C10orf90: variants seen among roughly 807,000 people sequenced by gnomAD.
C10orf90 encodes (E2-independent) E3 ubiquitin-conjugating enzyme FATS.
In C10orf90, 56 loss-of-function variants were observed where a neutral mutation model predicts 62.5. That is an observed-to-expected ratio of 0.90 (90% CI 0.72 to 1.12). The LOEUF (loss-of-function observed/expected upper bound fraction) is 1.12, where lower values mean the gene tolerates loss of function less well. C10orf90 is among the 50% of genes most tolerant of loss of function. C10orf90 has a pLI of 0.00. For synonymous variants in C10orf90, 386 were observed against 340.4 expected, an observed-to-expected ratio of 1.13 and a Z score of -1.47; for missense variants, 970 against 880.4, an observed-to-expected ratio of 1.10 and a Z score of -1.29.
intron 2 of C10orf90, among the ~76,000 whole-genome samples, chr10:126,534,449 A>G (rs535995872): frequency 6.6e-6 from 1 of 152,164 alleles, no homozygotes; most frequent in East Asian, 1.9e-4. Context: ...TTTCTCTCCA[A>G]TTCTCTTAGT....
rs1185005024 is a variant in C10orf90, at chr10:126,646,610, TG to T, written c.267del (p.Asp91IlefsTer55). 4.5e-6 allele frequency: 2 copies of T among 449,366 alleles called. No homozygotes were observed. The highest frequency in any genetic ancestry group is 4.5e-6 in the Non-Finnish European group (1 of 224,004). The allele number at this position is 449,366 out of a possible 1,614,324, so 27.8% of individuals were successfully genotyped here. On this transcript the variant is annotated frameshift_variant, in exon 2 of 10. Coordinates refer to ENST00000488181, the MANE Select transcript of C10orf90 (RefSeq NM_001350921.2). LOFTEE classifies it high-confidence loss of function. ...TTTCTTTCCCAGGCAGAATGATCTT[TG>T]GGGGATGAGAAGAGTCGACTGTGGA... is the stretch of plus-strand genomic sequence containing the variant. ...YEIHSRLFSS[P>X]KDHSAWERNE...
intron 2 of C10orf90, among the ~76,000 whole-genome samples, chr10:126,584,032 A>G (rs374889134): frequency 1.3e-4 from 20 of 152,124 alleles, no homozygotes; most frequent in African/African-American, 4.6e-4. Flanking sequence ...AGGTGAGAAA[A>G]TCACCTGAGC....
intron 2 of C10orf90, among the ~76,000 whole-genome samples, chr10:126,594,876 G>A (rs147048597): frequency 1.3e-5 from 2 of 152,286 alleles, no homozygotes; most frequent in Non-Finnish European, 2.9e-5. Context: ...TAAGAGGCAG[G>A]TGTGAGACTT....
chr10:126,511,409 A>C (rs1464848360), intron 3 of C10orf90, among the ~76,000 whole-genome samples: 1 of 151,692 alleles, frequency 6.6e-6, no homozygotes, highest in African/African-American at 2.4e-5. Context: ...TTAAGTGTAC[A>C]ACTTGGTGGT....
chr10:126,578,548 T>C (rs902221573), intron 2 of C10orf90, among the ~76,000 whole-genome samples: 5 of 152,174 alleles, frequency 3.3e-5, no homozygotes, highest in Admixed American at 3.3e-4. Flanking sequence ...TGAATATTAG[T>C]GAAATCACTC....
At chr10:126,447,775 G>A (rs1458562539) in intron 7 of C10orf90, among the ~76,000 whole-genome samples, 1 of 152,150 alleles carries the variant, frequency 6.6e-6, no homozygotes, top group Non-Finnish European at 1.5e-5. Context: ...TAGATCATAT[G>A]TTAGGCCAAA....
At chr10:126,667,501 T>C (rs1003060197) in intron 1 of C10orf90, among the ~76,000 whole-genome samples, 7 of 152,182 alleles carry the variant, frequency 4.6e-5, no homozygotes, top group Admixed American at 1.3e-4. Context: ...ATTAAAGGCA[T>C]TAGAAACTGT....
chr10:126,435,261 G>A (rs1024111563), intron 7 of C10orf90, among the ~76,000 whole-genome samples: 36 of 152,116 alleles, frequency 2.4e-4, no homozygotes, highest in Admixed American at 2.2e-3. Context: ...TCTGGTGAAG[G>A]AATATAAAAT....
chr10:126,621,227 T>C (rs1196753889), intron 2 of C10orf90, among the ~76,000 whole-genome samples: 3 of 152,234 alleles, frequency 2.0e-5, no homozygotes, highest in Admixed American at 2.0e-4. Context: ...TTTCAACATA[T>C]AAACTTAGAT....
rs888107053 is a variant in C10orf90, at chr10:126,635,034, G to A, written c.313+11531C>T. On this transcript the variant is annotated intron_variant, in intron 2 of 9. Transcript: ENST00000488181. ...GTCCAAGAACAAGGCCTGGCCAACC[G>A]CCTCAGGCTGCCTGTCTCAATGTTT... Among the ~76,000 whole-genome samples, 7 of 152,160 alleles carry A rather than the reference G, an allele frequency of 4.6e-5. No individual in the cohort carries two copies. The East Asian group carries it at 5.8e-4, about 13-fold the overall frequency.
At chr10:126,517,582 C>A (rs1028155817) in intron 2 of C10orf90, among the ~76,000 whole-genome samples, 2 of 152,106 alleles carry the variant, frequency 1.3e-5, no homozygotes, top group African/African-American at 4.8e-5. Flanking sequence ...GAATGACCCT[C>A]CACGTTGAAG....
chr10:126,610,810 T>C (rs990135117), intron 2 of C10orf90, among the ~76,000 whole-genome samples: 1 of 152,082 alleles, frequency 6.6e-6, no homozygotes, highest in Non-Finnish European at 1.5e-5. Flanking sequence ...AACAGACACA[T>C]AACAAGTTAG....
chr10:126,512,614 C>T (rs1289334814), intron 3 of C10orf90, among the ~76,000 whole-genome samples: 1 of 152,050 alleles, frequency 6.6e-6, no homozygotes, highest in Non-Finnish European at 1.5e-5. Flanking sequence ...AGCAGAATCG[C>T]CCCCATGCCC....
chr10:126,559,033 T>C (rs1469648518), intron 2 of C10orf90, among the ~76,000 whole-genome samples: 1 of 152,246 alleles, frequency 6.6e-6, no homozygotes, highest in Non-Finnish European at 1.5e-5. Context: ...GTCCATCTCT[T>C]TGTGCCAAAA....
intron 5 of C10orf90, among the ~76,000 whole-genome samples, chr10:126,462,928 C>A (rs1860079292): frequency 2.0e-5 from 3 of 152,204 alleles, no homozygotes; most frequent in Admixed American, 1.3e-4. Context: ...ACCAACAGCA[C>A]ACCACTTAGA....
At chr10:126,563,671 T>A (rs1407131109) in intron 2 of C10orf90, among the ~76,000 whole-genome samples, 1 of 152,146 alleles carries the variant, frequency 6.6e-6, no homozygotes, top group Non-Finnish European at 1.5e-5. Flanking sequence ...AGCAAAGGGA[T>A]CTGTGAGCAC....
chr10:126,460,740 C>T (rs1463965761), intron 6 of C10orf90, among the ~76,000 whole-genome samples: 3 of 152,084 alleles, frequency 2.0e-5, no homozygotes, highest in Non-Finnish European at 2.9e-5. Context: ...GGTACAGGAG[C>T]CAGCCAATGG....
At position 126,444,180 on chromosome 10, in the gene C10orf90, G is replaced by T. The variant is rs112143527; in HGVS notation, c.2189-14330C>A. Among the ~76,000 whole-genome samples the T allele has an allele frequency of 5.0e-3, 754 of 152,192 alleles. 10 individuals carry two copies. Among genetic ancestry groups the T allele is most frequent in the African/African-American group, 0.017 (702 of 41,530 alleles). On this transcript the variant is annotated intron_variant, in intron 7 of 9. Transcript: ENST00000488181. ...CTGGAAGTCCTAGCCAGAGCAATCA[G>T]ACAAGAGAAAGAAATAAAGGACATC...
intron 7 of C10orf90, among the ~76,000 whole-genome samples, chr10:126,431,493 C>T (rs1857565158): frequency 6.6e-6 from 1 of 152,214 alleles, no homozygotes; most frequent in Non-Finnish European, 1.5e-5. Flanking sequence ...ACAGAAACAT[C>T]CCAATGGCAT....
Sources: gnomAD v4.1 joint callset for allele counts (sites outside exome capture counted in the v4.1 genomes callset) on GRCh38, gnomAD v4.1.1 for gene constraint, MANE v1.5 for transcripts, NCBI Gene and HGNC (gene_info 2026-07-23, HGNC 2026-07-21) for gene names.